Variants in LARP7 observed in about 807,000 individuals in gnomAD.
The protein encoded by LARP7 is la-related protein 7.
A neutral mutation model predicts 69.3 loss-of-function variants in LARP7; 52 were observed. The observed-to-expected ratio is 0.75, with a 90% CI of 0.60 to 0.95. The LOEUF (loss-of-function observed/expected upper bound fraction) is 0.95. Among genes scored for constraint, LARP7 ranks in the 40% least tolerant of loss-of-function variants. LARP7 has a pLI of 0.00. For missense variants in LARP7, 733 were observed against 673.0 expected, an observed-to-expected ratio of 1.09 and a Z score of -0.99; for synonymous variants, 254 against 215.9, an observed-to-expected ratio of 1.18 and a Z score of -1.55.
chr4:112,657,211 CCAATA>C (rs777786946), intron 12 of LARP7, 31 bp from the exon 13 acceptor site: 1 of 946,638 alleles, frequency 1.1e-6, no homozygotes, highest in Admixed American at 2.5e-5. Context: ...TTTTGAGTAT[CCAATA>C]CATTTTAATT....
rs2048337091 is a variant in LARP7 at position 112,647,217 on chromosome 4, A to G, written c.665A>G (p.Lys222Arg). ...LRVVEEKKKK[K>R]KKKGRMKKED... ...TTTACAGAAGAGAAGAAAAAGAAAA[A>G]GAAGAAGAAAGGCCGAATGAAAAAG... Residue 222 changes from lysine (K) to arginine (R), a missense_variant, in exon 7 of 13, where the codon AAG (lysine) becomes AGG (arginine). Transcript: ENST00000344442. The G allele has an allele frequency of 6.3e-7, 1 of 1,588,598 alleles. No homozygotes were observed. The highest frequency in any genetic ancestry group is 8.5e-7 in the Non-Finnish European group (1 of 1,172,642).
chr4:112,644,945 CTTTTTTTTT>C, intron 2 of LARP7, 74 bp downstream of exon 2: 1 of 165,088 alleles, frequency 6.1e-6, no homozygotes, highest in Middle Eastern at 2.9e-3. Context: ...ATAATATATT[CTTTTTTTTT>C]TTTTTTTTTT....
rs933500135 is a variant in LARP7, at chr4:112,644,368, A to G, written c.-2-300A>G. The G allele has an allele frequency of 7.6e-6, 4 of 523,604 alleles. No individual in the cohort carries two copies. In the African/African-American group the frequency reaches 7.9e-5, roughly 10 times the overall value. The allele number at this position is 523,604 out of a possible 1,614,324, so 32.4% of individuals were successfully genotyped here. A position where few individuals can be genotyped will look rare whatever the true frequency, so the allele number is the denominator to read the frequency against. On this transcript the variant is annotated intron_variant, in intron 1 of 12. Transcript: ENST00000344442. Reference sequence around the variant, plus strand: ...TCCCTTAATCTTACACTTTTCACTTACTGACTTAAAAGTGCAGCTTAGTGA... The same window carrying G: ...TCCCTTAATCTTACACTTTTCACTTGCTGACTTAAAAGTGCAGCTTAGTGA...
At position 112,657,170 on chromosome 4, in the gene LARP7, T is replaced by TTGTGTGTGTGTG. The variant is rs35719274; in HGVS notation, c.1669-57_1669-46dup. 5.5e-3 allele frequency: 2,818 copies of TTGTGTGTGTGTG among 516,782 alleles called. 57 individuals carry two copies. Among genetic ancestry groups the TTGTGTGTGTGTG allele is most frequent in the African/African-American group, 0.052 (2,377 of 45,564 alleles). The allele number at this position is 516,782 out of a possible 1,614,324, so 32.0% of individuals were successfully genotyped here. A position where few individuals can be genotyped will look rare whatever the true frequency, so the allele number is the denominator to read the frequency against. On this transcript the variant is annotated intron_variant, in intron 12 of 12. Transcript: ENST00000344442. ...TGTGAAATTTTTTCTAGTCATAGTT[T>TTGTGTGTGTGTG]TGTGTGTGTGTGTGTGTGTGTGTGT...
intron 10 of LARP7, among the ~76,000 whole-genome samples, chr4:112,652,862 AAAT>A (rs1178540951): frequency 1.3e-5 from 2 of 152,256 alleles, no homozygotes; most frequent in Admixed American, 6.5e-5. Context: ...GATTTCAAGA[AAAT>A]AAATGAAAAT....
Position 112,657,326 on chromosome 4 carries a change from G to GAAA in LARP7, c.*7_*9dup. On this transcript the variant is annotated inframe_insertion and stop_retained_variant, in exon 13 of 13. Transcript: ENST00000344442. ...CATATAAGATTTTCTGAATATGATT[G>GAAA]AAAAAAAAAACAGTTCACCTCTTAA... 3.6e-6 allele frequency: 5 copies of GAAA among 1,401,486 alleles called. No individual in the cohort carries two copies. Among genetic ancestry groups the GAAA allele is most frequent in the East Asian group, 2.6e-5 (1 of 38,634 alleles). The allele number at this position is 1,401,486 out of a possible 1,614,324, so 86.8% of individuals were successfully genotyped here.
intron 2 of LARP7, among the ~76,000 whole-genome samples, chr4:112,645,892 G>T (rs1232582700): frequency 6.6e-6 from 1 of 152,010 alleles, no homozygotes; most frequent in Non-Finnish European, 1.5e-5. Context: ...GAATGTCTGG[G>T]TATTGCTAAT....
Position 112,646,877 on chromosome 4 carries a change from T to A in LARP7, c.474T>A (p.His158Gln). The change falls in exon 5 of 13, where the codon CAT becomes CAA. Residue 158 changes from histidine (H) to glutamine (Q), a missense_variant. Coordinates refer to ENST00000344442, the MANE Select transcript of LARP7 (RefSeq NM_016648.4). The stretch of plus-strand genomic sequence containing the variant: ...ATGTTGTTTATATAAGTATACCACA[T>A]TATAAGTCTACTGGAGATCCAAAGG... Reference protein sequence around the residue: ...CGNVVYISIPHYKSTGDPKGF... With the variant: ...CGNVVYISIPQYKSTGDPKGF... The A allele has an allele frequency of 6.2e-7, 1 of 1,608,830 alleles. No homozygotes were observed. The highest frequency in any genetic ancestry group is 8.5e-7 in the Non-Finnish European group (1 of 1,178,728).
chr4:112,655,863 G>A (rs2048932477), intron 12 of LARP7, among the ~76,000 whole-genome samples: 1 of 152,138 alleles, frequency 6.6e-6, no homozygotes, highest in Admixed American at 6.6e-5. Flanking sequence ...TAGCTTTTCA[G>A]GCAGAAGCAA....
chr4:112,642,899 C>T (rs191291395), intron 1 of LARP7, among the ~76,000 whole-genome samples: 2 of 152,314 alleles, frequency 1.3e-5, no homozygotes, highest in East Asian at 3.9e-4. Context: ...ACATGGGAAA[C>T]AGATACAACA....
In LARP7 at chr4:112,654,444, G is replaced by A. The variant is rs149032078; in HGVS notation, c.1668+285G>A. On this transcript the variant is annotated intron_variant, in intron 12 of 12. Coordinates refer to ENST00000344442, the MANE Select transcript of LARP7 (RefSeq NM_016648.4). ...TCTTGATATCTGGCTGCTATGTCTT[G>A]TAGTTTGGTGATAAATGATTATAGA... The A allele has an allele frequency of 3.3e-3, 815 of 243,868 alleles. 11 individuals carry two copies. The highest frequency in any genetic ancestry group is 0.017 in the African/African-American group (757 of 44,846). 15.1% of individuals were successfully genotyped at this position (243,868 alleles called of 1,614,324 possible). A position where few individuals can be genotyped will look rare whatever the true frequency, so the allele number is the denominator to read the frequency against.
At position 112,649,538 on chromosome 4, in the gene LARP7, C is replaced by T. The variant is rs1459276751; in HGVS notation, c.1146C>T (p.Ser382=). The change falls in exon 9 of 13, where the codon AGC becomes AGT. Residue 382 remains serine, a synonymous_variant. Coordinates refer to ENST00000344442, the MANE Select transcript of LARP7 (RefSeq NM_016648.4). ...ATCACCATTTCTTTCCTTGTAGGAGCGAATGGATGGATTTGAAAAAAGAGT... is the reference window on the plus strand; with the variant it reads ...ATCACCATTTCTTTCCTTGTAGGAGTGAATGGATGGATTTGAAAAAAGAGT... ...EVIPLRVLSK[S]EWMDLKKEYL... 16 of 1,591,690 alleles carry T rather than the reference C, an allele frequency of 1.0e-5. No homozygotes were observed. In the East Asian group the frequency reaches 2.9e-4, roughly 29 times the overall value.
At position 112,653,282 on chromosome 4, in the gene LARP7, T is replaced by C. The variant is rs964819384; in HGVS notation, c.1576+46T>C. On this transcript the variant is annotated intron_variant, in intron 11 of 12. Coordinates refer to ENST00000344442, the MANE Select transcript of LARP7 (RefSeq NM_016648.4). The stretch of plus-strand genomic sequence containing the variant: ...CCTTTTTTTTTTGTTATCATCCTTA[T>C]TGTGAGTAATATATTTTCTGAGTTT... 3.4e-6 allele frequency: 5 copies of C among 1,452,868 alleles called. No homozygotes were observed. The East Asian group carries it at 7.1e-5, about 21-fold the overall frequency. The allele number at this position is 1,452,868 out of a possible 1,614,324, so 90.0% of individuals were successfully genotyped here. A position where few individuals can be genotyped will look rare whatever the true frequency, so the allele number is the denominator to read the frequency against.
chr4:112,643,854 AAAAGAGAAGAGAAGAAG>A (rs1321828615), intron 1 of LARP7, among the ~76,000 whole-genome samples: 2 of 151,406 alleles, frequency 1.3e-5, no homozygotes, highest in Non-Finnish European at 2.9e-5. Flanking sequence ...TGCCTCAAAG[AAAAGAGAAGAGAAGAAG>A]AAAGAGAAGA....
chr4:112,650,369 C>T, intron 9 of LARP7, 92 bp from the exon 10 acceptor site: 3 of 1,201,922 alleles, frequency 2.5e-6, no homozygotes, highest in Non-Finnish European at 3.5e-6. Context: ...TTTAAATCTG[C>T]CTCAGGAATT....
chr4:112,647,744 C>G lies in LARP7; in HGVS notation c.1052C>G (p.Ser351Cys), dbSNP rs1339709530. 2 of 1,567,094 alleles carry G rather than the reference C, an allele frequency of 1.3e-6. No homozygotes were observed. The highest frequency in any genetic ancestry group is 1.9e-5 in the Admixed American group (1 of 53,174). ...EKDTGDLKDS[S>C]LLKTKRKHKK... ...GATACTGGAGATCTAAAAGATAGCT[C>G]TCTCTTGAAAACAAAAAGGAAACAT... Residue 351 changes from serine to cysteine, a missense_variant, in exon 8 of 13, where the codon TCT becomes TGT. Coordinates refer to ENST00000344442, the MANE Select transcript of LARP7 (RefSeq NM_016648.4).
chr4:112,656,572 TAACAGCTACTAG>T (rs1195630536), intron 12 of LARP7, among the ~76,000 whole-genome samples: 2 of 152,218 alleles, frequency 1.3e-5, no homozygotes, highest in Non-Finnish European at 2.9e-5. Context: ...TAAAAATAGA[TAACAGCTACTAG>T]AGACAGAATG....
intron 10 of LARP7, among the ~76,000 whole-genome samples, chr4:112,651,708 T>C (rs951020946): frequency 2.0e-5 from 3 of 152,202 alleles, no homozygotes; most frequent in African/African-American, 7.2e-5. Flanking sequence ...TGGTTACAAC[T>C]GTCTGTGACT....
intron 12 of LARP7, chr4:112,655,588 A>C (rs972098936): frequency 1.3e-5 from 2 of 152,230 alleles, no homozygotes; most frequent in Admixed American, 1.3e-4. Flanking sequence ...TAGTTAATTC[A>C]GCTAATGATT....
Sources: gnomAD v4.1 joint callset for allele counts (sites outside exome capture counted in the v4.1 genomes callset) on GRCh38, gnomAD v4.1.1 for gene constraint, MANE v1.5 for transcripts, NCBI Gene and HGNC (gene_info 2026-07-23, HGNC 2026-07-21) for gene names.